Variants in CFAP57 observed in about 807,000 individuals in gnomAD.
CFAP57 encodes cilia and flagella associated protein 57, also known as cilia- and flagella-associated protein 57.
In CFAP57, 116 loss-of-function variants were observed where a neutral mutation model predicts 146.8. The ratio of observed to expected loss-of-function variants is 0.79; its 90% confidence interval spans 0.68 to 0.92. The LOEUF is 0.92. Among genes scored for constraint, CFAP57 ranks in the 40% least tolerant of loss-of-function variants. The probability of loss-of-function intolerance (pLI) is 0.00; values close to 1 mark genes in which losing one functional copy is unlikely to be tolerated. For missense variants in CFAP57, 1,377 were observed against 1,527.2 expected (o/e 0.90, Z 1.64); for synonymous variants, 518 against 552.8 (o/e 0.94, Z 0.88).
chr1:43,211,880 T>G (rs1422545002), intron 11 of CFAP57, among the ~76,000 whole-genome samples: 1 of 152,212 alleles, frequency 6.6e-6, no homozygotes, highest in African/African-American at 2.4e-5. Context: ...GTTTACAAAT[T>G]TATATGTGCA....
intron 9 of CFAP57, among the ~76,000 whole-genome samples, chr1:43,202,024 C>T (rs1383175066): frequency 1.3e-5 from 2 of 152,100 alleles, no homozygotes; most frequent in African/African-American, 4.8e-5. Flanking sequence ...ATTCTGATGC[C>T]CAAGCTCACC....
At chr1:43,173,432 C>G (rs1285019536) in intron 2 of CFAP57, among the ~76,000 whole-genome samples, 1 of 152,168 alleles carries the variant, frequency 6.6e-6, no homozygotes, top group African/African-American at 2.4e-5. Flanking sequence ...TGCATTGACA[C>G]CTTTTATTGT....
chr1:43,191,246 A>G (rs1191561968), intron 6 of CFAP57, among the ~76,000 whole-genome samples: 1 of 152,162 alleles, frequency 6.6e-6, no homozygotes, highest in Non-Finnish European at 1.5e-5. Context: ...GCAATTGTTC[A>G]TAGTATTCCT....
chr1:43,185,568 A>C (rs900104026), intron 5 of CFAP57, among the ~76,000 whole-genome samples: 3 of 150,978 alleles, frequency 2.0e-5, no homozygotes, highest in African/African-American at 7.3e-5. Flanking sequence ...ATCGACCAGC[A>C]TATTGGCTTA....
intron 22 of CFAP57, among the ~76,000 whole-genome samples, chr1:43,252,771 G>T (rs558362665): frequency 6.6e-6 from 1 of 152,290 alleles, no homozygotes; most frequent in South Asian, 2.1e-4. Flanking sequence ...TGCATAGGCA[G>T]ATTTGAAAAG....
intron 1 of CFAP57, 128 bp from the exon 2 acceptor site, chr1:43,172,607 G>T: frequency 1.7e-6 from 1 of 582,276 alleles, no homozygotes; most frequent in South Asian, 1.6e-5. Flanking sequence ...AAAGGGGAGG[G>T]ACAAGGGGAG....
At chr1:43,199,809 G>A (rs1644037521) in intron 9 of CFAP57, among the ~76,000 whole-genome samples, 1 of 152,164 alleles carries the variant, frequency 6.6e-6, no homozygotes, top group South Asian at 2.1e-4. Context: ...AACTGGTGGG[G>A]ATAATCACTG....
chr1:43,227,194 G>T (rs1645278957), intron 18 of CFAP57, 68 bp downstream of exon 18: 1 of 1,434,796 alleles, frequency 7.0e-7, no homozygotes. Flanking sequence ...TTGGCTAGCT[G>T]GCCTCAGGGA....
chr1:43,197,913 G>A (rs978299533), intron 7 of CFAP57, among the ~76,000 whole-genome samples: 4 of 152,146 alleles, frequency 2.6e-5, no homozygotes, highest in African/African-American at 9.7e-5. Flanking sequence ...GCTAGACACT[G>A]GGGACATGAA....
chr1:43,181,082 T>C (rs947024107), intron 2 of CFAP57, among the ~76,000 whole-genome samples: 4 of 151,818 alleles, frequency 2.6e-5, no homozygotes, highest in Non-Finnish European at 5.9e-5. Context: ...GCCCTAGTCA[T>C]TTTCTTTTGG....
Position 43,253,974 on chromosome 1 carries a change from C to T in CFAP57, c.3539-3C>T. ...CCCACATGAGTCCTGTTGTCTCTTA[C>T]AGAACCCAGCAGGGACATGCTCAGC... On this transcript the variant is annotated splice_region_variant and splice_polypyrimidine_tract_variant and intron_variant, in intron 22 of 22. Coordinates refer to ENST00000372492, the MANE Select transcript of CFAP57 (RefSeq NM_001378189.1). The T allele has an allele frequency of 6.4e-7, 1 of 1,550,410 alleles. No homozygotes were observed. Among genetic ancestry groups the T allele is most frequent in the Non-Finnish European group, 8.7e-7 (1 of 1,146,874 alleles).
rs200892028 is a variant in CFAP57 at position 43,172,862 on chromosome 1, C to G, written c.109C>G (p.His37Asp). ...EQIIIFPSGN[H>D]CVKYNVDQKW... ...GATCATTATATTTCCTTCAGGAAATCACTGTGTGAAGTACAATGTGGATCA... is the reference window on the plus strand; with the variant it reads ...GATCATTATATTTCCTTCAGGAAATGACTGTGTGAAGTACAATGTGGATCA... Residue 37 changes from histidine (H) to aspartate (D), a missense_variant, in exon 2 of 23, where the codon CAC (histidine) becomes GAC (aspartate). Coordinates refer to ENST00000372492, the MANE Select transcript of CFAP57 (RefSeq NM_001378189.1). 3 of 1,613,992 alleles carry G rather than the reference C, an allele frequency of 1.9e-6. No individual in the cohort carries two copies. The highest frequency in any genetic ancestry group is 2.5e-6 in the Non-Finnish European group (3 of 1,179,856).
chr1:43,245,932 G>A (rs1287478188), intron 22 of CFAP57, among the ~76,000 whole-genome samples: 3 of 152,070 alleles, frequency 2.0e-5, no homozygotes, highest in African/African-American at 4.8e-5. Context: ...TATCCAAAAC[G>A]GAAATTAAGA....
intron 8 of CFAP57, among the ~76,000 whole-genome samples, chr1:43,199,188 A>T (rs1285879332): frequency 6.6e-6 from 1 of 152,202 alleles, no homozygotes; most frequent in East Asian, 1.9e-4. Flanking sequence ...CAGTGTCAGC[A>T]TCTGGCCACT....
chr1:43,196,387 G>T (rs1643871252), intron 6 of CFAP57: 1 of 153,340 alleles, frequency 6.5e-6, no homozygotes, highest in Non-Finnish European at 1.5e-5. Context: ...TGCCTACCCA[G>T]CATAGCATCT....
chr1:43,232,035 CAT>C (rs1239759715), intron 18 of CFAP57: 1 of 697,930 alleles, frequency 1.4e-6, no homozygotes, highest in Non-Finnish European at 2.6e-6. Flanking sequence ...GTGGTGCCCA[CAT>C]GTTGGTCCCT....
At chr1:43,236,589 C>CAAA in intron 21 of CFAP57, among the ~76,000 whole-genome samples, 1 of 5,292 alleles carries the variant, frequency 1.9e-4, no homozygotes, top group African/African-American at 5.5e-4. Context: ...AGAATAAGTG[C>CAAA]TAAAAAAAAA....
At chr1:43,190,363 C>T (rs984560272) in intron 6 of CFAP57, among the ~76,000 whole-genome samples, 5 of 150,058 alleles carry the variant, frequency 3.3e-5, no homozygotes, top group African/African-American at 9.8e-5. Flanking sequence ...CTCCACCTAC[C>T]GGGTTCATGC....
chr1:43,198,846 A>G (rs1442636164), intron 8 of CFAP57, among the ~76,000 whole-genome samples, 200 bp downstream of exon 8: 2 of 152,204 alleles, frequency 1.3e-5, no homozygotes, highest in African/African-American at 2.4e-5. Context: ...CCATATTCTT[A>G]TGTCCACCAG....
Sources: allele counts gnomAD v4.1 joint callset (sites outside exome capture counted in the v4.1 genomes callset), GRCh38; gene constraint gnomAD v4.1.1; transcripts MANE v1.5; gene names NCBI Gene and HGNC (gene_info 2026-07-23, HGNC 2026-07-21).